Variants in PRKDC observed in about 807,000 individuals in gnomAD.
The protein encoded by PRKDC is DNA-dependent protein kinase catalytic subunit.
Under a neutral mutation model 486.9 loss-of-function variants are expected in PRKDC, and 82 were observed. The observed-to-expected ratio is 0.17, with a 90% CI of 0.14 to 0.20. PRKDC has a LOEUF of 0.20. PRKDC is among the 10% of genes least tolerant of loss of function. The pLI, the probability that PRKDC is intolerant of heterozygous loss-of-function variation, is 1.00. For missense variants in PRKDC, 4,504 were observed against 5,038.2 expected (o/e 0.89, Z 3.21); for synonymous variants, 1,895 against 1,837.0 (o/e 1.03, Z -0.81).
intron 65 of PRKDC, among the ~76,000 whole-genome samples, chr8:47,821,195 A>G (rs1049638912): frequency 2.6e-5 from 4 of 152,188 alleles, no homozygotes; most frequent in African/African-American, 9.7e-5. Flanking sequence ...CTGGAAGATG[A>G]TTTGGATGTT....
At chr8:47,834,713 C>T (rs1205754218) in intron 58 of PRKDC, among the ~76,000 whole-genome samples, 5 of 114,836 alleles carry the variant, frequency 4.4e-5, no homozygotes, top group East Asian at 2.5e-4. Context: ...TTTTTTGAGA[C>T]GGAGTCTCGC....
intron 42 of PRKDC, 107 bp from the exon 43 acceptor site, chr8:47,862,648 G>A: frequency 8.8e-7 from 1 of 1,130,826 alleles, no homozygotes; most frequent in Non-Finnish European, 1.2e-6. Context: ...CTTTCTCGAG[G>A]GTCAGGCTTG....
intron 40 of PRKDC, among the ~76,000 whole-genome samples, chr8:47,873,356 G>A (rs1387878405): frequency 1.3e-5 from 2 of 152,014 alleles, no homozygotes; most frequent in Non-Finnish European, 2.9e-5. Flanking sequence ...GGCCAACATG[G>A]TGAAAACCCA....
At chr8:47,917,052 T>A (rs1431222248) in intron 22 of PRKDC, among the ~76,000 whole-genome samples, 5 of 151,860 alleles carry the variant, frequency 3.3e-5, no homozygotes, top group Non-Finnish European at 7.4e-5. Context: ...CCCCAGGAGT[T>A]CAAGACCAGC....
chr8:47,849,801 A>G lies in PRKDC; in HGVS notation c.7006-298T>C, dbSNP rs557408750. On this transcript the variant is annotated intron_variant, in intron 52 of 85. Coordinates refer to ENST00000314191, the MANE Select transcript of PRKDC (RefSeq NM_006904.7). ...TGTAGATGTCAGATCAATGAAGATC[A>G]GTGTTTCCTACTGACACCAAAACAC... Among the ~76,000 whole-genome samples the G allele has an allele frequency of 2.0e-4, 30 of 152,320 alleles. No homozygotes were observed. In the South Asian group the frequency reaches 6.2e-3, roughly 32 times the overall value.
At chr8:47,803,721 G>C (rs1024231188) in intron 69 of PRKDC, among the ~76,000 whole-genome samples, 1 of 152,162 alleles carries the variant, frequency 6.6e-6, no homozygotes, top group African/African-American at 2.4e-5. Flanking sequence ...AGGCCAAAGA[G>C]GGAGGATTAC....
At chr8:47,775,266 ATTTCCCTGATGACTAGTGACGTTGAGCAT>A in intron 85 of PRKDC, among the ~76,000 whole-genome samples, 1 of 150,316 alleles carries the variant, frequency 6.7e-6, no homozygotes, top group Middle Eastern at 3.4e-3. Context: ...TCTCACTTGG[ATTTCCCTGATGACTAGTGACGTTGAGCAT>A]TTTTGCATGC....
At chr8:47,931,731 C>T (rs1223877894) in intron 16 of PRKDC, among the ~76,000 whole-genome samples, 3 of 152,132 alleles carry the variant, frequency 2.0e-5, no homozygotes, top group Non-Finnish European at 4.4e-5. Context: ...CGCATGAACT[C>T]GAATCAGCAC....
chr8:47,830,843 G>T (rs2087850335), intron 60 of PRKDC, 107 bp from the exon 61 acceptor site: 8 of 1,388,570 alleles, frequency 5.8e-6, no homozygotes, highest in East Asian at 2.3e-5. Flanking sequence ...AGGGCGAAGT[G>T]GTGGGAACTG....
chr8:47,885,431 G>T (rs755140407), intron 36 of PRKDC, among the ~76,000 whole-genome samples: 1 of 152,052 alleles, frequency 6.6e-6, no homozygotes, highest in Admixed American at 6.6e-5. Context: ...GGGATTACAG[G>T]CATGAGCCAC....
chr8:47,943,424 C>G (rs1478286285), intron 9 of PRKDC, 58 bp from the exon 10 acceptor site: 2 of 1,500,038 alleles, frequency 1.3e-6, no homozygotes, highest in Admixed American at 4.6e-5. Flanking sequence ...GAACAGAAAA[C>G]CAACAAACCT....
At chr8:47,779,119 G>A (rs2154497375) in intron 80 of PRKDC, 26 bp from the exon 81 acceptor site, 1 of 1,491,066 alleles carries the variant, frequency 6.7e-7, no homozygotes. Context: ...AGGGGAATTG[G>A]AATTAGGAAG....
chr8:47,929,787 G>C, intron 18 of PRKDC, 66 bp downstream of exon 18: 1 of 1,422,058 alleles, frequency 7.0e-7, no homozygotes, highest in Non-Finnish European at 9.4e-7. Context: ...CATATTTTAT[G>C]ATACATTTAT....
At position 47,943,987 on chromosome 8, in the gene PRKDC, G is replaced by A. The variant is rs200282483; in HGVS notation, c.764C>T (p.Ala255Val). The A allele has an allele frequency of 2.0e-5, 32 of 1,564,704 alleles. No homozygotes were observed. The highest frequency in any genetic ancestry group is 1.0e-5 in the Non-Finnish European group (12 of 1,153,470). The stretch of plus-strand genomic sequence containing the variant: ...TATTAATCCTACCTGAGGACGAATT[G>A]CCTTTAGTACAAAATTAAAAATCTC... ...SREIFNFVLK[A>V]IRPQIDLKRY... The change falls in exon 8 of 86, where the codon GCA becomes GTA. Residue 255 changes from alanine (A) to valine (V), a missense_variant. By Grantham distance (64) the Ala-to-Val change is moderately conservative. Coordinates refer to ENST00000314191, the MANE Select transcript of PRKDC (RefSeq NM_006904.7).
intron 52 of PRKDC, 22 bp downstream of exon 52, chr8:47,852,651 G>T: frequency 7.0e-7 from 1 of 1,428,932 alleles, no homozygotes; most frequent in Non-Finnish European, 9.6e-7. Flanking sequence ...GGTATTTATT[G>T]AAAATTGTGT....
rs1379477528 is a variant in PRKDC, at chr8:47,831,801, A to G, written c.8265+13T>C. The G allele has an allele frequency of 4.3e-6, 7 of 1,612,170 alleles. No individual in the cohort carries two copies. In the African/African-American group the frequency reaches 9.3e-5, roughly 22 times the overall value. ...CTGCATCGTTCTGATCAAATTCTTG[A>G]CAAGATACAAACCTTCTCTCGTTTT... On this transcript the variant is annotated intron_variant, in intron 60 of 85. Coordinates refer to ENST00000314191, the MANE Select transcript of PRKDC (RefSeq NM_006904.7).
intron 52 of PRKDC, among the ~76,000 whole-genome samples, chr8:47,850,331 C>A (rs1034902652): frequency 2.0e-5 from 3 of 152,306 alleles, no homozygotes; most frequent in African/African-American, 7.2e-5. Context: ...ATCTGAAAAT[C>A]CAGAATCCTC....
chr8:47,837,192 G>A lies in PRKDC; in HGVS notation c.7761+20C>T, dbSNP rs2154499763. The A allele has an allele frequency of 6.3e-7, 1 of 1,592,890 alleles. No homozygotes were observed. Among genetic ancestry groups the A allele is most frequent in the South Asian group, 1.1e-5 (1 of 89,832 alleles). On this transcript the variant is annotated intron_variant, in intron 57 of 85. Coordinates refer to ENST00000314191, the MANE Select transcript of PRKDC (RefSeq NM_006904.7). ...AAAAGCCTATAATATTCACTACTAT[G>A]AGAGAGAAGACCACATTACCTGAAA...
intron 30 of PRKDC, 35 bp downstream of exon 30, chr8:47,897,126 C>A: frequency 1.3e-6 from 2 of 1,544,650 alleles, no homozygotes; most frequent in Admixed American, 1.8e-5. Context: ...TAATAAAGCA[C>A]CGTGGTGAAA....
Sources: allele counts gnomAD v4.1 joint callset (sites outside exome capture counted in the v4.1 genomes callset), GRCh38; gene constraint gnomAD v4.1.1; transcripts MANE v1.5; gene names NCBI Gene and HGNC (gene_info 2026-07-23, HGNC 2026-07-21).